SEZ6L: variants seen among roughly 807,000 people sequenced by gnomAD.
SEZ6L encodes seizure 6-like protein.
SEZ6L carries 37 observed loss-of-function variants against 106.2 expected under a neutral mutation model. That is an observed-to-expected ratio of 0.35 (90% confidence interval 0.27 to 0.46). The LOEUF (loss-of-function observed/expected upper bound fraction) is 0.46, where lower values mean the gene tolerates loss of function less well. Among genes scored for constraint, SEZ6L ranks in the 20% least tolerant of loss-of-function variants. SEZ6L has a pLI of 1.00. For missense variants in SEZ6L, 1,172 were observed against 1,332.8 expected (o/e 0.88, Z 1.88); for synonymous variants, 541 against 570.4 (o/e 0.95, Z 0.73).
intron 1 of SEZ6L, among the ~76,000 whole-genome samples, chr22:26,213,877 T>C (rs940323033): frequency 6.6e-6 from 1 of 152,206 alleles, no homozygotes; most frequent in Non-Finnish European, 1.5e-5. Context: ...ACCGTGATCA[T>C]GCCACTGCTC....
At chr22:26,183,576 A>G (rs928847088) in intron 1 of SEZ6L, among the ~76,000 whole-genome samples, 5 of 152,238 alleles carry the variant, frequency 3.3e-5, no homozygotes, top group Non-Finnish European at 7.3e-5. Flanking sequence ...GGTGAAATAA[A>G]TGTGTCACTT....
chr22:26,356,030 C>T (rs1471773352), intron 12 of SEZ6L, among the ~76,000 whole-genome samples: 3 of 152,202 alleles, frequency 2.0e-5, no homozygotes, highest in Admixed American at 1.3e-4. Flanking sequence ...AAATAATACC[C>T]TTTACCAAGA....
chr22:26,324,984 T>C (rs1431713697), intron 9 of SEZ6L, among the ~76,000 whole-genome samples: 1 of 152,164 alleles, frequency 6.6e-6, no homozygotes, highest in Admixed American at 6.5e-5. Context: ...CCACTGGCCT[T>C]CTTCATGTAT....
At chr22:26,268,077 T>C (rs540828102) in intron 1 of SEZ6L, among the ~76,000 whole-genome samples, 1 of 152,338 alleles carries the variant, frequency 6.6e-6, no homozygotes, top group East Asian at 1.9e-4. Flanking sequence ...ATTTAATGAC[T>C]GTGGCAAATA....
intron 1 of SEZ6L, among the ~76,000 whole-genome samples, chr22:26,223,105 A>G (rs2078527866): frequency 6.6e-6 from 1 of 152,144 alleles, no homozygotes; most frequent in Non-Finnish European, 1.5e-5. Context: ...CCTCCACCGT[A>G]GGAGTTGTAG....
At chr22:26,360,338 C>T (rs2083573589) in intron 12 of SEZ6L, among the ~76,000 whole-genome samples, 1 of 152,122 alleles carries the variant, frequency 6.6e-6, no homozygotes, top group Admixed American at 6.5e-5. Flanking sequence ...AGGGCGAGGA[C>T]AGTGTTTAGC....
At chr22:26,228,699 A>G (rs1410831176) in intron 1 of SEZ6L, among the ~76,000 whole-genome samples, 1 of 152,188 alleles carries the variant, frequency 6.6e-6, no homozygotes, top group Middle Eastern at 3.2e-3. Flanking sequence ...GTACTCTCCA[A>G]ACATCTCCTT....
Position 26,348,053 on chromosome 22 carries a change from C to G in SEZ6L, c.2407+140C>G, listed in dbSNP as rs966378216. The G allele has an allele frequency of 7.7e-6, 5 of 653,272 alleles. No individual in the cohort carries two copies. The African/African-American group carries it at 7.7e-5, about 10-fold the overall frequency. 40.5% of individuals were successfully genotyped at this position (653,272 alleles called of 1,614,324 possible). A position where few individuals can be genotyped will look rare whatever the true frequency, so the allele number is the denominator to read the frequency against. On this transcript the variant is annotated intron_variant, in intron 11 of 16. Transcript: ENST00000248933. The stretch of plus-strand genomic sequence containing the variant: ...ACCACCAATTCACGAGCATTGCTCA[C>G]AAATGTCATTTTATAGCTGTCAGTG...
At chr22:26,353,728 C>T (rs1352438126) in intron 12 of SEZ6L, among the ~76,000 whole-genome samples, 2 of 152,046 alleles carry the variant, frequency 1.3e-5, no homozygotes, top group African/African-American at 4.8e-5. Flanking sequence ...ATTAGAACTT[C>T]AAAGTTCTAA....
intron 1 of SEZ6L, among the ~76,000 whole-genome samples, chr22:26,256,826 T>C (rs2079838083): frequency 6.6e-6 from 1 of 152,202 alleles, no homozygotes; most frequent in Non-Finnish European, 1.5e-5. Flanking sequence ...GTTCTGATGC[T>C]CACTCAAGCC....
intron 9 of SEZ6L, 62 bp from the exon 10 acceptor site, chr22:26,340,374 A>T: frequency 6.8e-7 from 1 of 1,471,724 alleles, no homozygotes; most frequent in East Asian, 2.3e-5. Context: ...AAAGTTAATC[A>T]AGGGTTTATT....
intron 9 of SEZ6L, among the ~76,000 whole-genome samples, chr22:26,316,619 G>A (rs1267180355): frequency 2.6e-5 from 4 of 152,060 alleles, no homozygotes; most frequent in African/African-American, 4.8e-5. Flanking sequence ...ATCATTTGAG[G>A]TCAGGAGTTC....
intron 16 of SEZ6L, among the ~76,000 whole-genome samples, chr22:26,379,889 T>C (rs1450884118): frequency 6.6e-6 from 1 of 152,230 alleles, no homozygotes; most frequent in African/African-American, 2.4e-5. Flanking sequence ...TGCTCATCAG[T>C]CTGTGGGACA....
At chr22:26,270,921 TG>T (rs2080344297) in intron 1 of SEZ6L, among the ~76,000 whole-genome samples, 1 of 152,200 alleles carries the variant, frequency 6.6e-6, no homozygotes, top group African/African-American at 2.4e-5. Context: ...ATTCATTTCA[TG>T]CTTAGTTAAA....
intron 1 of SEZ6L, among the ~76,000 whole-genome samples, chr22:26,256,282 A>G (rs1556268862): frequency 6.6e-6 from 1 of 152,236 alleles, no homozygotes; most frequent in Non-Finnish European, 1.5e-5. Flanking sequence ...GGGTACAAGG[A>G]GATAAGCTAA....
chr22:26,346,070 G>A (rs748343997), intron 10 of SEZ6L, among the ~76,000 whole-genome samples: 29 of 150,546 alleles, frequency 1.9e-4, no homozygotes, highest in Non-Finnish European at 2.8e-4. Flanking sequence ...CTCTGTCACC[G>A]AGCCTGGAGT....
At chr22:26,195,669 G>A (rs1027672547) in intron 1 of SEZ6L, among the ~76,000 whole-genome samples, 25 of 152,122 alleles carry the variant, frequency 1.6e-4, no homozygotes, top group African/African-American at 5.6e-4. Context: ...TGGTCTCCAT[G>A]CTCAATCTAT....
intron 11 of SEZ6L, among the ~76,000 whole-genome samples, chr22:26,350,507 C>T (rs572351185): frequency 4.6e-5 from 7 of 152,180 alleles, no homozygotes; most frequent in African/African-American, 1.7e-4. Context: ...CCTAGGATTA[C>T]AGGCATGAGC....
At chr22:26,172,144 C>A (rs1938665713) in intron 1 of SEZ6L, among the ~76,000 whole-genome samples, 1 of 152,118 alleles carries the variant, frequency 6.6e-6, no homozygotes, top group African/African-American at 2.4e-5. Context: ...GCAAAGACTG[C>A]AAAGCCTAAG....
Sources: gnomAD v4.1 joint callset for allele counts (sites outside exome capture counted in the v4.1 genomes callset) on GRCh38, gnomAD v4.1.1 for gene constraint, MANE v1.5 for transcripts, NCBI Gene and HGNC (gene_info 2026-07-23, HGNC 2026-07-21) for gene names.